The following TDRD12 variants were observed in gnomAD, a reference collection of about 807,000 sequenced individuals.
The protein encoded by TDRD12 is tudor domain containing 12, also known as putative ATP-dependent RNA helicase TDRD12.
A neutral mutation model predicts 133.5 loss-of-function variants in TDRD12; 158 were observed. The observed-to-expected ratio is 1.18, with a 90% confidence interval of 1.04 to 1.35. The LOEUF (loss-of-function observed/expected upper bound fraction) is 1.35, where lower values mean the gene tolerates loss of function less well. TDRD12 is among the 40% of genes most tolerant of loss of function. TDRD12 has a pLI of 0.00. For missense variants in TDRD12, 1,443 were observed against 1,321.3 expected (o/e 1.09, Z -1.43); for synonymous variants, 460 against 477.9 (o/e 0.96, Z 0.49).
intron 11 of TDRD12, among the ~76,000 whole-genome samples, chr19:32,790,119 C>G (rs1971025817): frequency 6.6e-6 from 1 of 152,180 alleles, no homozygotes; most frequent in South Asian, 2.1e-4. Context: ...ATGTCTGTGC[C>G]TTGTGACTTC....
chr19:32,747,959 G>A (rs1969703644), intron 4 of TDRD12, among the ~76,000 whole-genome samples: 1 of 152,126 alleles, frequency 6.6e-6, no homozygotes, highest in Non-Finnish European at 1.5e-5. Context: ...AGGCTGCAAT[G>A]AGCTGTGTTC....
At position 32,797,896 on chromosome 19, in the gene TDRD12, G is replaced by A. The variant is rs1473123034; in HGVS notation, c.1630+5G>A. 1 of 685,302 alleles carries A rather than the reference G, an allele frequency of 1.5e-6. No individual in the cohort carries two copies. The highest frequency in any genetic ancestry group is 2.7e-5 in the East Asian group (1 of 37,200). 42.5% of individuals were successfully genotyped at this position (685,302 alleles called of 1,614,324 possible). A position where few individuals can be genotyped will look rare whatever the true frequency, so the allele number is the denominator to read the frequency against. ...ATACAAAGCTTCCAAGGGGCTGTAA[G>A]TATCCTTTTCAAGCGGCTATAAAAG... is the stretch of plus-strand genomic sequence containing the variant. On this transcript the variant is annotated splice_donor_5th_base_variant and intron_variant, in intron 15 of 27. Coordinates refer to ENST00000444215, the Ensembl canonical transcript of TDRD12.
intron 23 of TDRD12, among the ~76,000 whole-genome samples, chr19:32,810,902 AAACAAAC>A (rs1034849559): frequency 6.6e-6 from 1 of 152,210 alleles, no homozygotes; most frequent in African/African-American, 2.4e-5. Context: ...TACAAAAAAC[AAACAAAC>A]AAAAAAGACA....
At chr19:32,811,658 TA>T (rs1967011524) in intron 24 of TDRD12, among the ~76,000 whole-genome samples, 1 of 152,056 alleles carries the variant, frequency 6.6e-6, no homozygotes, top group African/African-American at 2.4e-5. Context: ...CTGTATAAAG[TA>T]GGGATGTTGG....
At chr19:32,746,175 A>C (rs1445869214) in intron 4 of TDRD12, among the ~76,000 whole-genome samples, 1 of 147,708 alleles carries the variant, frequency 6.8e-6, no homozygotes, top group Non-Finnish European at 1.5e-5. Context: ...TCTGTGTGTG[A>C]GAGAGACGGG....
At chr19:32,791,394 T>C (rs1294097662) in intron 13 of TDRD12, among the ~76,000 whole-genome samples, 1 of 152,170 alleles carries the variant, frequency 6.6e-6, no homozygotes. Flanking sequence ...GCAATTGTAA[T>C]GCACTCCCCG....
downstream of TDRD12, chr19:32,826,199 C>T (rs544181726): frequency 5.1e-5 from 77 of 1,524,220 alleles, 1 homozygote; most frequent in South Asian, 8.8e-4. Flanking sequence ...GCGTCCCTTA[C>T]CCAGTTAATA....
intron 4 of TDRD12, among the ~76,000 whole-genome samples, chr19:32,745,182 T>C (rs999472189): frequency 6.6e-6 from 1 of 152,186 alleles, no homozygotes; most frequent in Non-Finnish European, 1.5e-5. Context: ...CCTTCAGGCA[T>C]GATTGGGGCC....
intron 8 of TDRD12, among the ~76,000 whole-genome samples, chr19:32,759,149 T>A (rs1025974063): frequency 1.3e-5 from 2 of 152,192 alleles, no homozygotes; most frequent in Non-Finnish European, 2.9e-5. Flanking sequence ...ACTTATTTGC[T>A]GCATGATGAA....
At position 32,792,559 on chromosome 19, in the gene TDRD12, C is replaced by T. The variant is rs569552315; in HGVS notation, c.1287+1491C>T. On this transcript the variant is annotated intron_variant, in intron 13 of 27. Transcript: ENST00000444215. ...AAAGTAGAGGAAAAAGGCAAAGAGA[C>T]GGAAATAGGAGGAAAAATTTTTGAG... Among the ~76,000 whole-genome samples, 42 of 152,016 alleles carry T rather than the reference C, an allele frequency of 2.8e-4. 1 individual carries two copies. Among genetic ancestry groups the T allele is most frequent in the South Asian group, 1.2e-3 (6 of 4,812 alleles).
At chr19:32,821,381 T>A (rs1967383766), downstream of TDRD12, 5 of 303,626 alleles carry the variant, frequency 1.6e-5, no homozygotes, top group Non-Finnish European at 1.7e-5. Context: ...TGTGTGTGTG[T>A]GTGTGTGTGT....
intron 14 of TDRD12, among the ~76,000 whole-genome samples, chr19:32,795,564 C>A (rs897761217): frequency 1.3e-5 from 2 of 152,110 alleles, no homozygotes; most frequent in Admixed American, 6.5e-5. Context: ...TTGTCCCGTG[C>A]TCTGCCAGTC....
downstream of TDRD12, among the ~76,000 whole-genome samples, chr19:32,823,689 T>C (rs765693325): frequency 3.9e-5 from 6 of 152,210 alleles, no homozygotes; most frequent in Non-Finnish European, 8.8e-5. Flanking sequence ...TGGGAACCAC[T>C]GGAAAAGGGT....
rs1969470397 is a variant in TDRD12, at chr19:32,742,768, T to G, written c.321-13T>G. The G allele has an allele frequency of 6.5e-7, 1 of 1,549,764 alleles. No homozygotes were observed. The highest frequency in any genetic ancestry group is 8.7e-7 in the Non-Finnish European group (1 of 1,146,558). Reference sequence around the variant, plus strand: ...TTTCTATATAATGGAGCTGTTTCTGTTTTACTTTTTAGCATCCGAGTTGTA... The same window carrying G: ...TTTCTATATAATGGAGCTGTTTCTGGTTTACTTTTTAGCATCCGAGTTGTA... On this transcript the variant is annotated splice_polypyrimidine_tract_variant and intron_variant, in intron 3 of 27. Coordinates refer to ENST00000444215, the Ensembl canonical transcript of TDRD12.
At chr19:32,821,369 A>AGT (rs59054756), downstream of TDRD12, 40,516 of 349,488 alleles carry the variant, frequency 0.12, 2,504 homozygotes, top group Admixed American at 0.21. Flanking sequence ...AGCTCAGCAG[A>AGT]GTGTGTGTGT....
chr19:32,818,456 C>T (rs1009850548), intron 27 of TDRD12, among the ~76,000 whole-genome samples: 14 of 152,128 alleles, frequency 9.2e-5, no homozygotes, highest in African/African-American at 3.1e-4. Flanking sequence ...GAAGATGGTT[C>T]GTGGCTACTG....
At chr19:32,782,103 G>A (rs965786282) in intron 11 of TDRD12, among the ~76,000 whole-genome samples, 24 of 151,928 alleles carry the variant, frequency 1.6e-4, no homozygotes, top group Non-Finnish European at 2.9e-4. Flanking sequence ...TTCTCCTATT[G>A]TTATCCCTCC....
At chr19:32,802,732 A>G (rs2145703454) in exon 20 of TDRD12, 2 of 1,536,332 alleles carry the variant, frequency 1.3e-6, no homozygotes, top group Non-Finnish European at 8.7e-7. Flanking sequence ...TCCCTGCCTC[A>G]CCAAAAGTTT....
At chr19:32,729,343 G>T (rs933987693) in intron 1 of TDRD12, among the ~76,000 whole-genome samples, 1 of 149,438 alleles carries the variant, frequency 6.7e-6, no homozygotes, top group African/African-American at 2.5e-5. Flanking sequence ...TCAGCCTCCC[G>T]AGTAGCTGGG....
Sources: allele counts gnomAD v4.1 joint callset (sites outside exome capture counted in the v4.1 genomes callset), GRCh38; gene constraint gnomAD v4.1.1; transcripts MANE v1.5; gene names NCBI Gene and HGNC (gene_info 2026-07-23, HGNC 2026-07-21).